The following MASP1 variants were observed in gnomAD, a reference collection of about 807,000 sequenced individuals.
MASP1 encodes the protein mannan-binding lectin serine protease 1.
MASP1 carries 59 observed loss-of-function variants against 77.1 expected under a neutral mutation model. The observed-to-expected ratio is 0.77, with a 90% CI of 0.62 to 0.95. The LOEUF (loss-of-function observed/expected upper bound fraction) is 0.95. MASP1 is among the 40% of genes least tolerant of loss of function. MASP1 has a pLI of 0.00. For missense variants in MASP1, 885 were observed against 912.9 expected (o/e 0.97, Z 0.39); for synonymous variants, 362 against 354.5 (o/e 1.02, Z -0.24).
At chr3:187,247,222 GGA>G in intron 8 of MASP1, 1 of 1,595,690 alleles carries the variant, frequency 6.3e-7, no homozygotes, top group Non-Finnish European at 8.5e-7. Context: ...TAATCCACAT[GGA>G]AAGGGGCACG....
chr3:187,280,341 A>G (rs1309719510), intron 2 of MASP1, among the ~76,000 whole-genome samples: 1 of 152,230 alleles, frequency 6.6e-6, no homozygotes, highest in Non-Finnish European at 1.5e-5. Context: ...AAAATATTAC[A>G]CATGGTGACA....
intron 3 of MASP1, among the ~76,000 whole-genome samples, chr3:187,262,038 G>GA (rs1197931231): frequency 6.6e-6 from 1 of 151,922 alleles, no homozygotes; most frequent in Non-Finnish European, 1.5e-5. Context: ...ATCTACAGCA[G>GA]AAAAAAAATC....
At position 187,260,783 on chromosome 3, in the gene MASP1, G is replaced by A. The variant is rs768013314; in HGVS notation, c.505C>T (p.Arg169Cys). The A allele has an allele frequency of 1.3e-5, 21 of 1,613,916 alleles. No homozygotes were observed. Among genetic ancestry groups the A allele is most frequent in the East Asian group, 4.5e-5 (2 of 44,900 alleles). Reference sequence around the variant, plus strand: ...TCTGTGTGGAGGATGTAGCCGAAGCGGCAGGAGCAGTAGTAGCCGCCAATG... The same window carrying A: ...TCTGTGTGGAGGATGTAGCCGAAGCAGCAGGAGCAGTAGTAGCCGCCAATG... ...NYIGGYYCSC[R>C]FGYILHTDNR... The change falls in exon 4 of 11, where the codon CGC becomes TGC. Residue 169 changes from arginine (R) to cysteine (C), a missense_variant. Coordinates refer to ENST00000296280, the MANE Select transcript of MASP1 (RefSeq NM_139125.4).
downstream of MASP1, chr3:187,229,906 A>AAGGG (rs751055287): frequency 6.8e-6 from 11 of 1,613,962 alleles, no homozygotes; most frequent in Non-Finnish European, 9.3e-6. Flanking sequence ...CACTGCATCC[A>AAGGG]AGGGAGGGAG....
intron 2 of MASP1, among the ~76,000 whole-genome samples, chr3:187,282,093 A>C (rs1717464033): frequency 6.6e-6 from 1 of 152,166 alleles, no homozygotes; most frequent in Non-Finnish European, 1.5e-5. Context: ...GATTCAAGCC[A>C]TAATCCCTCA....
intron 3 of MASP1, among the ~76,000 whole-genome samples, 153 bp downstream of exon 3, chr3:187,262,390 T>C (rs1715658836): frequency 6.6e-6 from 1 of 152,186 alleles, no homozygotes; most frequent in Non-Finnish European, 1.5e-5. Flanking sequence ...GATAGATGGA[T>C]AGATACGTGA....
Position 187,236,117 on chromosome 3 carries a change from T to TG in MASP1, c.1753dup (p.His585ProfsTer20). 6.2e-7 allele frequency: 1 copy of TG among 1,613,874 alleles called. No homozygotes were observed. Among genetic ancestry groups the TG allele is most frequent in the Non-Finnish European group, 8.5e-7 (1 of 1,180,008 alleles). On this transcript the variant is annotated frameshift_variant, in exon 11 of 11. Transcript: ENST00000296280. LOFTEE classifies it high-confidence loss of function. ...CCAGCCGGCCACCAGGCCCAGCATG[T>TG]GGGGGGCCGGGCCTTCAGGCTCAAG...
chr3:187,222,429 T>A (rs141202264), intron 14 of MASP1, among the ~76,000 whole-genome samples: 4 of 152,332 alleles, frequency 2.6e-5, no homozygotes, highest in African/African-American at 9.6e-5. Flanking sequence ...TGAATGGTTG[T>A]TGCAAATCCC....
intron 8 of MASP1, chr3:187,247,447 G>GAAGAGA (rs1387264385): frequency 3.8e-6 from 6 of 1,582,460 alleles, no homozygotes; most frequent in Non-Finnish European, 5.2e-6. Context: ...GCAGAGAGAG[G>GAAGAGA]AAGAGAAAGA....
rs1712991963 is a variant in MASP1, at chr3:187,234,665, C to G, written c.*1019G>C. 1 of 1,287,056 alleles carries G rather than the reference C, an allele frequency of 7.8e-7. No individual in the cohort carries two copies. The highest frequency in any genetic ancestry group is 1.2e-5 in the South Asian group (1 of 80,902). 79.7% of individuals were successfully genotyped at this position (1,287,056 alleles called of 1,614,324 possible). On this transcript the variant is annotated 3_prime_UTR_variant, in exon 11 of 11. Transcript: ENST00000296280. ...CGCCCAGCTCATGCCCCAGGGATGC[C>G]AGGCAGCCTGGCAGGATTTGGGTGA...
intron 1 of MASP1, among the ~76,000 whole-genome samples, chr3:187,288,538 T>A (rs1450562171): frequency 6.6e-6 from 1 of 152,226 alleles, no homozygotes; most frequent in Non-Finnish European, 1.5e-5. Context: ...CCCACAGCAC[T>A]GCTATCAGCG....
intron 2 of MASP1, among the ~76,000 whole-genome samples, chr3:187,268,929 G>T (rs1169607117): frequency 6.6e-6 from 1 of 152,106 alleles, no homozygotes; most frequent in South Asian, 2.1e-4. Context: ...GCTGGGCGTG[G>T]TGGTGTGTGC....
intron 2 of MASP1, among the ~76,000 whole-genome samples, chr3:187,264,018 C>T (rs1225786903): frequency 6.6e-6 from 1 of 152,172 alleles, no homozygotes; most frequent in Non-Finnish European, 1.5e-5. Flanking sequence ...ATTCCTGCTG[C>T]CTTTCAAAGT....
chr3:187,262,725 G>A lies in MASP1; in HGVS notation c.238-5C>T, dbSNP rs1320987410. On this transcript the variant is annotated splice_polypyrimidine_tract_variant and splice_region_variant and intron_variant, in intron 2 of 10. Transcript: ENST00000296280. Reference sequence around the variant, plus strand: ...CACCTGGTCCTCAGTTTCTACCTTTGAGGTCAAAGAGAAAGGGAACAAGAT... The same window carrying A: ...CACCTGGTCCTCAGTTTCTACCTTTAAGGTCAAAGAGAAAGGGAACAAGAT... 3 of 1,613,752 alleles carry A rather than the reference G, an allele frequency of 1.9e-6. No individual in the cohort carries two copies. The African/African-American group carries it at 4.0e-5, about 22-fold the overall frequency.
chr3:187,285,192 G>A (rs1717752569), intron 2 of MASP1, among the ~76,000 whole-genome samples: 1 of 151,882 alleles, frequency 6.6e-6, no homozygotes, highest in South Asian at 2.1e-4. Context: ...AAATTCCAGG[G>A]TATATTGTTT....
At chr3:187,280,822 T>C (rs1263005213) in intron 2 of MASP1, among the ~76,000 whole-genome samples, 2 of 152,212 alleles carry the variant, frequency 1.3e-5, no homozygotes, top group African/African-American at 4.8e-5. Context: ...AAGCATGATG[T>C]TGGCCAATCA....
At chr3:187,272,891 C>A (rs1425222113) in intron 2 of MASP1, among the ~76,000 whole-genome samples, 1 of 152,162 alleles carries the variant, frequency 6.6e-6, no homozygotes, top group Non-Finnish European at 1.5e-5. Context: ...AACTAATATT[C>A]TCTGTATATA....
chr3:187,253,886 G>A (rs1449220024), intron 5 of MASP1, among the ~76,000 whole-genome samples: 1 of 152,042 alleles, frequency 6.6e-6, no homozygotes, highest in African/African-American at 2.4e-5. Context: ...AGTACCTAAT[G>A]CATGTGGGGC....
At chr3:187,219,092 C>G (rs1250132012) in exon 16 of MASP1, 7 of 152,256 alleles carry the variant, frequency 4.6e-5, no homozygotes, top group Non-Finnish European at 1.0e-4. Context: ...CTTGGGAACC[C>G]ACCCGTAGTG....
Sources: allele counts gnomAD v4.1 joint callset (sites outside exome capture counted in the v4.1 genomes callset), GRCh38; gene constraint gnomAD v4.1.1; transcripts MANE v1.5; gene names NCBI Gene and HGNC (gene_info 2026-07-23, HGNC 2026-07-21).